Variants in ABLIM2 observed in about 807,000 individuals in gnomAD.
ABLIM2 encodes actin binding LIM protein family member 2.
In ABLIM2, 53 loss-of-function variants were observed where a neutral mutation model predicts 97.7. The ratio of observed to expected loss-of-function variants is 0.54; its 90% CI spans 0.44 to 0.68. The LOEUF (loss-of-function observed/expected upper bound fraction) is 0.68, where lower values mean the gene tolerates loss of function less well. Among genes scored for constraint, ABLIM2 ranks in the 30% least tolerant of loss-of-function variants. The probability of loss-of-function intolerance (pLI) is 0.00; values close to 1 mark genes in which losing one functional copy is unlikely to be tolerated. For synonymous variants in ABLIM2, 361 were observed against 345.8 expected (o/e 1.04, Z -0.49); for missense variants, 835 against 867.2 (o/e 0.96, Z 0.47).
chr4:8,109,641 C>G (rs1839325711), intron 1 of ABLIM2, among the ~76,000 whole-genome samples: 1 of 152,200 alleles, frequency 6.6e-6, no homozygotes. Context: ...GAACCTGGGT[C>G]ATGCTGGGGC....
At chr4:8,006,846 G>A (rs948764144) in intron 16 of ABLIM2, among the ~76,000 whole-genome samples, 1 of 151,980 alleles carries the variant, frequency 6.6e-6, no homozygotes, top group Non-Finnish European at 1.5e-5. Context: ...GCCATCTGGG[G>A]TGAACCCCTC....
rs2152494595 is a variant in ABLIM2 at position 8,085,987 on chromosome 4, T to C, written c.454+2182A>G. On this transcript the variant is annotated intron_variant, in intron 4 of 20. Transcript: ENST00000447017. The surrounding 1 kb of genome is among the most constrained non-coding windows in gnomAD (Gnocchi z 6.1). ...ACCCCTGCCAGGTACAGGGCACTCC[T>C]GCACCTGCAGAAGAGCTCCTCCAGG... Among the ~76,000 whole-genome samples the C allele has an allele frequency of 6.6e-6, 1 of 152,150 alleles. No homozygotes were observed. The highest frequency in any genetic ancestry group is 1.9e-4 in the East Asian group (1 of 5,186).
chr4:7,975,592 C>A (rs926108686), intron 20 of ABLIM2, among the ~76,000 whole-genome samples: 8 of 152,218 alleles, frequency 5.3e-5, no homozygotes, highest in Non-Finnish European at 8.8e-5. Context: ...TCCGCTCCAT[C>A]CCCCTTGAAA....
At position 7,999,139 on chromosome 4, in the gene ABLIM2, C is replaced by T. The variant is rs1005694525; in HGVS notation, c.1619-6212G>A. On this transcript the variant is annotated intron_variant, in intron 16 of 20. Coordinates refer to ENST00000447017, the MANE Select transcript of ABLIM2 (RefSeq NM_001130083.2). This position sits in a 1 kb window ranked among gnomAD's most constrained non-coding sequence, Gnocchi z 4.4. ...GGAGTACAATGGCGTGATCTTGGCT[C>T]ACTGCAACCTCCTGGGTTCAAGCGA... 6.6e-6 allele frequency among the ~76,000 whole-genome samples: 1 copy of T among 152,140 alleles called. No individual in the cohort carries two copies. Among genetic ancestry groups the T allele is most frequent in the Non-Finnish European group, 1.5e-5 (1 of 68,016 alleles).
rs894500169 is a variant in ABLIM2, at chr4:8,113,848, C to T, written c.11-7211G>A. Among the ~76,000 whole-genome samples, 1 of 152,232 alleles carries T rather than the reference C, an allele frequency of 6.6e-6. No homozygotes were observed. Among genetic ancestry groups the T allele is most frequent in the Non-Finnish European group, 1.5e-5 (1 of 68,036 alleles). Reference sequence around the variant, plus strand: ...AGAGCGGGTCACAGGACACACAGTTCCAGCTTCCCTTTCACACCTTTCCTT... The same window carrying T: ...AGAGCGGGTCACAGGACACACAGTTTCAGCTTCCCTTTCACACCTTTCCTT... On this transcript the variant is annotated intron_variant, in intron 1 of 20. Transcript: ENST00000447017. The surrounding 1 kb of genome is among the most constrained non-coding windows in gnomAD (Gnocchi z 4.5).
chr4:8,016,061 T>TTTC (rs1367304880), intron 14 of ABLIM2, among the ~76,000 whole-genome samples: 24 of 148,204 alleles, frequency 1.6e-4, no homozygotes, highest in Admixed American at 2.0e-4. Flanking sequence ...TTTTTTTTTT[T>TTTC]TGAGATGGAG....
In ABLIM2 at chr4:8,068,933, G is replaced by T. The variant is rs187519844; in HGVS notation, c.676-7879C>A. Among the ~76,000 whole-genome samples the T allele has an allele frequency of 2.0e-5, 3 of 152,374 alleles. No homozygotes were observed. The highest frequency in any genetic ancestry group is 2.0e-4 in the Admixed American group (3 of 15,310). Reference sequence around the variant, plus strand: ...AAGCTGTGAGCAGGGGATCCCCCTGGGGGTGTTTGGCGGCCAGGACAGAAT... The same window carrying T: ...AAGCTGTGAGCAGGGGATCCCCCTGTGGGTGTTTGGCGGCCAGGACAGAAT... On this transcript the variant is annotated intron_variant, in intron 6 of 20. Transcript: ENST00000447017. The surrounding 1 kb of genome is among the most constrained non-coding windows in gnomAD (Gnocchi z 4.5).
In ABLIM2 at chr4:8,054,174, T is replaced by C; in HGVS notation, c.822+14A>G. On this transcript the variant is annotated intron_variant, in intron 8 of 20. Transcript: ENST00000447017. The surrounding 1 kb of genome is among the most constrained non-coding windows in gnomAD (Gnocchi z 4.9). ...GTGAAGGGTACATCAGAGACACCAG[T>C]GAATGCCACCAACCTTGTTTCTGTC... The C allele has an allele frequency of 6.2e-7, 1 of 1,613,940 alleles. No individual in the cohort carries two copies. Among genetic ancestry groups the C allele is most frequent in the Non-Finnish European group, 8.5e-7 (1 of 1,179,822 alleles).
At chr4:8,080,613 G>A in intron 5 of ABLIM2, 63 bp downstream of exon 5, 2 of 1,490,680 alleles carry the variant, frequency 1.3e-6, no homozygotes, top group Non-Finnish European at 1.8e-6. Flanking sequence ...TGCAGAGTGT[G>A]GGACCCCCAC....
rs1346542508 is a variant in ABLIM2 at position 7,992,833 on chromosome 4, G to A, written c.1680+33C>T. The A allele has an allele frequency of 1.2e-6, 2 of 1,601,214 alleles. No homozygotes were observed. The highest frequency in any genetic ancestry group is 4.5e-5 in the East Asian group (2 of 44,802). On this transcript the variant is annotated intron_variant, in intron 17 of 20. Coordinates refer to ENST00000447017, the MANE Select transcript of ABLIM2 (RefSeq NM_001130083.2). This position sits in a 1 kb window ranked among gnomAD's most constrained non-coding sequence, Gnocchi z 5.7. ...GTGCTCAGCCTCACAGCAATCGTTA[G>A]TACCCTGTGGCCAGGGAGGGGTCAG...
Position 8,127,977 on chromosome 4 carries a change from T to A in ABLIM2, c.11-21340A>T, listed in dbSNP as rs1315518169. The stretch of plus-strand genomic sequence containing the variant: ...AGTGACAGCCTGCACCAGGGTTCCC[T>A]GAAATGGGGGCTTCAAACAACAGAT... On this transcript the variant is annotated intron_variant, in intron 1 of 20. Transcript: ENST00000447017. The surrounding 1 kb of genome is among the most constrained non-coding windows in gnomAD (Gnocchi z 7.3). Among the ~76,000 whole-genome samples the A allele has an allele frequency of 6.6e-6, 1 of 152,130 alleles. No homozygotes were observed. The highest frequency in any genetic ancestry group is 1.5e-5 in the Non-Finnish European group (1 of 68,006).
chr4:8,077,046 A>G (rs1350878077), intron 6 of ABLIM2, among the ~76,000 whole-genome samples: 1 of 103,974 alleles, frequency 9.6e-6, no homozygotes, highest in Non-Finnish European at 1.9e-5. Flanking sequence ...GGGCTGCAGG[A>G]TGGGGGTTGG....
In ABLIM2 at chr4:8,019,114, T is replaced by A. The variant is rs903617195; in HGVS notation, c.1423+504A>T. 2.0e-5 allele frequency among the ~76,000 whole-genome samples: 3 copies of A among 152,250 alleles called. No homozygotes were observed. Among genetic ancestry groups the A allele is most frequent in the East Asian group, 1.9e-4 (1 of 5,202 alleles). On this transcript the variant is annotated intron_variant, in intron 14 of 20. Transcript: ENST00000447017. The surrounding 1 kb of genome is among the most constrained non-coding windows in gnomAD (Gnocchi z 4.3). ...CTGGGCGTCAGCTCCTATTTGCTTA[T>A]GCAAGAAATCTCCGTAACGGAAGGC... is the stretch of plus-strand genomic sequence containing the variant.
At chr4:7,995,463 C>T (rs576856248) in intron 16 of ABLIM2, among the ~76,000 whole-genome samples, 9 of 152,330 alleles carry the variant, frequency 5.9e-5, no homozygotes, top group South Asian at 2.1e-4. Context: ...ACTGCCCACC[C>T]GCTCTCTCCG....
At chr4:7,985,368 G>A (rs901593180) in intron 17 of ABLIM2, among the ~76,000 whole-genome samples, 19 of 152,140 alleles carry the variant, frequency 1.2e-4, no homozygotes, top group Non-Finnish European at 2.4e-4. Flanking sequence ...GCTGTCCCAG[G>A]TGCTCAGGGA....
intron 1 of ABLIM2, among the ~76,000 whole-genome samples, chr4:8,141,671 C>T (rs900558717): frequency 6.6e-6 from 1 of 152,212 alleles, no homozygotes; most frequent in Non-Finnish European, 1.5e-5. Context: ...AATGAGCACA[C>T]AGTTCTGCTC....
At position 8,143,159 on chromosome 4, in the gene ABLIM2, T is replaced by TTGGGGGG. The variant is rs58979220; in HGVS notation, c.10+15520_10+15521insCCCCCCA. 1.1e-4 allele frequency among the ~76,000 whole-genome samples: 7 copies of TTGGGGGG among 61,398 alleles called. 1 individual carries two copies. Among genetic ancestry groups the TTGGGGGG allele is most frequent in the African/African-American group, 2.1e-4 (3 of 14,476 alleles). The allele number at this position is 61,398 out of a possible 152,430, so 40.3% of individuals were successfully genotyped here. On this transcript the variant is annotated intron_variant, in intron 1 of 20. Transcript: ENST00000447017. Reference sequence around the variant, plus strand: ...CCCATACTGGGAGCGGGGGCGAGAGTGGGGGGGGGGGGCGTCTGCAAATGC... The same window carrying TTGGGGGG: ...CCCATACTGGGAGCGGGGGCGAGAGTTGGGGGGGGGGGGGGGGGGCGTCTGCAAATGC...
At position 8,005,089 on chromosome 4, in the gene ABLIM2, C is replaced by T. The variant is rs537937196; in HGVS notation, c.1618+2970G>A. ...AATGACTGAATGATGAACTCAGTCC[C>T]GGGTGAGATGTGCAGATGGTGTTGT... On this transcript the variant is annotated intron_variant, in intron 16 of 20. Transcript: ENST00000447017. The surrounding 1 kb of genome is among the most constrained non-coding windows in gnomAD (Gnocchi z 4.9). Among the ~76,000 whole-genome samples, 33 of 152,250 alleles carry T rather than the reference C, an allele frequency of 2.2e-4. 1 individual carries two copies. The South Asian group carries it at 5.6e-3, about 26-fold the overall frequency.
chr4:8,045,977 G>T (rs953085026), intron 8 of ABLIM2, among the ~76,000 whole-genome samples: 6 of 152,000 alleles, frequency 3.9e-5, no homozygotes, highest in Admixed American at 2.0e-4. Flanking sequence ...ACCCTCCATG[G>T]GCCCCCAAGC....
Sources: allele counts gnomAD v4.1 joint callset (sites outside exome capture counted in the v4.1 genomes callset), GRCh38; gene constraint gnomAD v4.1.1; non-coding constraint Gnocchi (gnomAD v3.1); transcripts MANE v1.5; gene names NCBI Gene and HGNC (gene_info 2026-07-23, HGNC 2026-07-21).